WTIP: variants seen among roughly 807,000 people sequenced by gnomAD.
WTIP encodes Wilms tumor protein 1-interacting protein.
WTIP carries 23 observed loss-of-function variants against 41.7 expected under a neutral mutation model. The observed-to-expected ratio is 0.55, with a 90% CI of 0.40 to 0.78. The LOEUF (loss-of-function observed/expected upper bound fraction) is 0.78. Among genes scored for constraint, WTIP ranks in the 30% least tolerant of loss-of-function variants. WTIP has a pLI of 0.00. For missense variants in WTIP, 619 were observed against 610.5 expected (o/e 1.01, Z -0.15); for synonymous variants, 314 against 269.9 (o/e 1.16, Z -1.60).
At chr19:34,496,816 C>G (rs897769312) in intron 7 of WTIP, among the ~76,000 whole-genome samples, 2 of 151,896 alleles carry the variant, frequency 1.3e-5, no homozygotes, top group African/African-American at 4.8e-5. Context: ...GCGACCCTGC[C>G]GACAGCTGTG....
In WTIP at chr19:34,508,005, C is replaced by A. The variant is rs2075919611; in HGVS notation, c.*7736C>A. On this transcript the variant is annotated 3_prime_UTR_variant, in exon 8 of 8. Coordinates refer to ENST00000590071, the MANE Select transcript of WTIP (RefSeq NM_001080436.2). ...TCTCTTTCAGTCACAGCATCTTCCT[C>A]CTGCTCCATGTGGTTGAAATCTCAG... The A allele has an allele frequency of 6.6e-6, 1 of 152,236 alleles. No homozygotes were observed. Among genetic ancestry groups the A allele is most frequent in the African/African-American group, 2.4e-5 (1 of 41,440 alleles). The allele number at this position is 152,236 out of a possible 1,614,324, so 9.4% of individuals were successfully genotyped here. A position where few individuals can be genotyped will look rare whatever the true frequency, so the allele number is the denominator to read the frequency against.
In WTIP at chr19:34,504,120, G is replaced by C. The variant is rs913830526; in HGVS notation, c.*3851G>C. 6.6e-5 allele frequency: 10 copies of C among 152,186 alleles called. No homozygotes were observed. Among genetic ancestry groups the C allele is most frequent in the African/African-American group, 2.4e-4 (10 of 41,402 alleles). The allele number at this position is 152,186 out of a possible 1,614,324, so 9.4% of individuals were successfully genotyped here. ...ATTGAATATTTCAGAAAATGAATGA[G>C]AGAGATTGGGAGAGATGGTGGGAGG... On this transcript the variant is annotated 3_prime_UTR_variant, in exon 8 of 8. Coordinates refer to ENST00000590071, the MANE Select transcript of WTIP (RefSeq NM_001080436.2).
chr19:34,491,334 A>AT (rs60447908), intron 2 of WTIP, among the ~76,000 whole-genome samples: 21,134 of 150,036 alleles, frequency 0.14, 2,115 homozygotes, highest in East Asian at 0.47. Flanking sequence ...TTAATTTTAT[A>AT]TTTTTTTTTT....
Position 34,505,151 on chromosome 19 carries a change from C to G in WTIP, c.*4882C>G, listed in dbSNP as rs2075906025. The G allele has an allele frequency of 6.6e-6, 1 of 152,338 alleles. No individual in the cohort carries two copies. Among genetic ancestry groups the G allele is most frequent in the Admixed American group, 6.5e-5 (1 of 15,278 alleles). 9.4% of individuals were successfully genotyped at this position (152,338 alleles called of 1,614,324 possible). Reference sequence around the variant, plus strand: ...ATGATGGGGGACTCTGGGAGCCAGCCTGGGTGGGGGCTCAGAGGTGGGAGG... The same window carrying G: ...ATGATGGGGGACTCTGGGAGCCAGCGTGGGTGGGGGCTCAGAGGTGGGAGG... On this transcript the variant is annotated 3_prime_UTR_variant, in exon 8 of 8. Transcript: ENST00000590071.
chr19:34,488,122 C>G (rs1250357861), intron 1 of WTIP, among the ~76,000 whole-genome samples: 2 of 151,952 alleles, frequency 1.3e-5, no homozygotes, highest in African/African-American at 4.8e-5. Context: ...GTCGGCCAGG[C>G]TGGAGTGCAG....
chr19:34,498,194 C>G lies in WTIP; in HGVS notation c.1153-1935C>G, dbSNP rs1459407848. Among the ~76,000 whole-genome samples, 4 of 152,130 alleles carry G rather than the reference C, an allele frequency of 2.6e-5. No individual in the cohort carries two copies. In the East Asian group the frequency reaches 7.7e-4, roughly 29 times the overall value. ...AGGGGCTCTGGGTAACGGGTCAAAG[C>G]CGCCAGCATTCCAGCCCCGAGCCCG... is the stretch of plus-strand genomic sequence containing the variant. On this transcript the variant is annotated intron_variant, in intron 7 of 7. Coordinates refer to ENST00000590071, the MANE Select transcript of WTIP (RefSeq NM_001080436.2).
In WTIP at chr19:34,481,928, CG is replaced by C; in HGVS notation, c.-44del. ...TGCGGCGGCCCGGCCGGAGCGGCGG[CG>C]GGAAGCGGAGGCGGAGGTGACGCGC... On this transcript the variant is annotated 5_prime_UTR_variant, in exon 1 of 8. The change abolishes the stop of an existing upstream ORF in the 5' untranslated region. Coordinates refer to ENST00000590071, the MANE Select transcript of WTIP (RefSeq NM_001080436.2). 1.0e-6 allele frequency: 1 copy of C among 975,778 alleles called. No homozygotes were observed. The highest frequency in any genetic ancestry group is 1.1e-4 in the East Asian group (1 of 8,930). 60.4% of individuals were successfully genotyped at this position (975,778 alleles called of 1,614,324 possible).
chr19:34,482,676 A>G lies in WTIP; in HGVS notation c.667+35A>G, dbSNP rs935475647. 8.2e-6 allele frequency: 10 copies of G among 1,223,184 alleles called. No individual in the cohort carries two copies. The African/African-American group carries it at 1.1e-4, about 13-fold the overall frequency. The allele number at this position is 1,223,184 out of a possible 1,614,324, so 75.8% of individuals were successfully genotyped here. A position where few individuals can be genotyped will look rare whatever the true frequency, so the allele number is the denominator to read the frequency against. ...CTCGGCCCGGCAGTTCCCTGCGCGC[A>G]TGGCTGGGGTCCGGGGTTCCGAGAC... On this transcript the variant is annotated intron_variant, in intron 1 of 7. Transcript: ENST00000590071.
rs2075835734 is a variant in WTIP at position 34,493,376 on chromosome 19, G to T, written c.900+51G>T. The T allele has an allele frequency of 6.3e-7, 1 of 1,596,870 alleles. No individual in the cohort carries two copies. The highest frequency in any genetic ancestry group is 1.8e-5 in the Admixed American group (1 of 56,780). On this transcript the variant is annotated intron_variant, in intron 4 of 7. Coordinates refer to ENST00000590071, the MANE Select transcript of WTIP (RefSeq NM_001080436.2). The surrounding 1 kb of genome is among the most constrained non-coding windows in gnomAD (Gnocchi z 4.1). ...AGCCCCTCTGACGTGGGTGGAGTCT[G>T]AGGACTCTACCGTCTCCCCTGCTCC... is the stretch of plus-strand genomic sequence containing the variant.
Position 34,510,652 on chromosome 19 carries a change from T to G in WTIP, c.*10383T>G, listed in dbSNP as rs1343020230. 1 of 152,254 alleles carries G rather than the reference T, an allele frequency of 6.6e-6. No homozygotes were observed. 9.4% of individuals were successfully genotyped at this position (152,254 alleles called of 1,614,324 possible). On this transcript the variant is annotated 3_prime_UTR_variant, in exon 8 of 8. Coordinates refer to ENST00000590071, the MANE Select transcript of WTIP (RefSeq NM_001080436.2). ...GTGTTTCTTTACTGCATCGTCAGGC[T>G]GCAAATTTTCCAATTTTTTATGCTC...
At chr19:34,492,093 C>G (rs1319117128) in intron 2 of WTIP, among the ~76,000 whole-genome samples, 1 of 140,310 alleles carries the variant, frequency 7.1e-6, no homozygotes, top group Non-Finnish European at 1.5e-5. Flanking sequence ...AATGGCTGAT[C>G]TTGTGTTCAA....
chr19:34,481,962 G>A lies in WTIP; in HGVS notation c.-13G>A, dbSNP rs1463349336. On this transcript the variant is annotated 5_prime_UTR_variant, in exon 1 of 8. Transcript: ENST00000590071. Reference sequence around the variant, plus strand: ...GAGGCGGAGGTGACGCGCCAGGGCCGGCGGGCCGGGCCATGCAGCGCTCCA... The same window carrying A: ...GAGGCGGAGGTGACGCGCCAGGGCCAGCGGGCCGGGCCATGCAGCGCTCCA... 4.4e-5 allele frequency: 44 copies of A among 1,000,576 alleles called. No individual in the cohort carries two copies. The South Asian group carries it at 7.2e-4, about 16-fold the overall frequency. The allele number at this position is 1,000,576 out of a possible 1,614,324, so 62.0% of individuals were successfully genotyped here.
At chr19:34,496,576 G>C (rs572526851) in intron 7 of WTIP, among the ~76,000 whole-genome samples, 1 of 152,124 alleles carries the variant, frequency 6.6e-6, no homozygotes, top group Middle Eastern at 3.4e-3. Flanking sequence ...AGCTGGAGGA[G>C]TCAGGGTTGG....
chr19:34,493,793 C>G lies in WTIP; in HGVS notation c.1031+171C>G, dbSNP rs1209611914. On this transcript the variant is annotated intron_variant, in intron 5 of 7. Coordinates refer to ENST00000590071, the MANE Select transcript of WTIP (RefSeq NM_001080436.2). The surrounding 1 kb of genome is among the most constrained non-coding windows in gnomAD (Gnocchi z 4.1). ...GCATGTGTCTCTGCCTGCATCCCCT[C>G]TCCTGGTGGTCCGGCCACCAGCTGT... is the stretch of plus-strand genomic sequence containing the variant. Among the ~76,000 whole-genome samples the G allele has an allele frequency of 6.6e-6, 1 of 152,128 alleles. No individual in the cohort carries two copies. Among genetic ancestry groups the G allele is most frequent in the Non-Finnish European group, 1.5e-5 (1 of 68,008 alleles).
rs1213359479 is a variant in WTIP, at chr19:34,503,690, C to G, written c.*3421C>G. ...CCCTGTCCCCGCTATGCGGTGAGCT[C>G]TTCAGCTTGGGCCCGCCTGGTGGCT... On this transcript the variant is annotated 3_prime_UTR_variant, in exon 8 of 8. Transcript: ENST00000590071. 6.6e-6 allele frequency: 1 copy of G among 152,604 alleles called. No homozygotes were observed. The highest frequency in any genetic ancestry group is 1.5e-5 in the Non-Finnish European group (1 of 68,352). 9.5% of individuals were successfully genotyped at this position (152,604 alleles called of 1,614,324 possible).
chr19:34,494,240 G>A (rs543747736), intron 5 of WTIP, among the ~76,000 whole-genome samples: 22 of 152,242 alleles, frequency 1.4e-4, no homozygotes, highest in African/African-American at 5.3e-4. Flanking sequence ...TGATTGGGTG[G>A]AGATGAAATG....
At position 34,490,539 on chromosome 19, in the gene WTIP, C is replaced by T; in HGVS notation, c.769+62C>T. ...GGACCTGCCACATCATCCCCATTCC[C>T]CTCAAACTGCCTTGCCCCTGAGTCC... On this transcript the variant is annotated intron_variant, in intron 2 of 7. Transcript: ENST00000590071. 3.3e-6 allele frequency: 5 copies of T among 1,497,040 alleles called. No individual in the cohort carries two copies. In the East Asian group the frequency reaches 1.1e-4, roughly 34 times the overall value. 92.7% of individuals were successfully genotyped at this position (1,497,040 alleles called of 1,614,324 possible).
At chr19:34,482,825 A>C in intron 1 of WTIP, 184 bp downstream of exon 1, 1 of 975,708 alleles carries the variant, frequency 1.0e-6, no homozygotes, top group Non-Finnish European at 1.2e-6. Flanking sequence ...AGGGTGAGTG[A>C]GTGCGCCTGG....
intron 1 of WTIP, 81 bp downstream of exon 1, chr19:34,482,722 A>C: frequency 1.7e-6 from 2 of 1,206,782 alleles, no homozygotes; most frequent in Non-Finnish European, 2.1e-6. Flanking sequence ...AGGCGGCCGG[A>C]TCAGCGGAGG....
Sources: gnomAD v4.1 joint callset for allele counts (sites outside exome capture counted in the v4.1 genomes callset) on GRCh38, gnomAD v4.1.1 for gene constraint, Gnocchi (gnomAD v3.1) non-coding constraint, MANE v1.5 for transcripts, NCBI Gene and HGNC (gene_info 2026-07-23, HGNC 2026-07-21) for gene names.